WSCD1: variants seen among roughly 807,000 people sequenced by gnomAD.
The protein encoded by WSCD1 is WSC domain sialate O sulfotransferase 1.
WSCD1 carries 41 observed loss-of-function variants against 60.4 expected under a neutral mutation model. The observed-to-expected ratio is 0.68, with a 90% CI of 0.53 to 0.88. WSCD1 has a LOEUF of 0.88. Ranked by LOEUF, WSCD1 falls within the 40% of genes least tolerant of loss-of-function variation. The probability of loss-of-function intolerance (pLI) is 0.00; values close to 1 mark genes in which losing one functional copy is unlikely to be tolerated. For synonymous variants in WSCD1, 361 were observed against 332.5 expected, an observed-to-expected ratio of 1.09 and a Z score of -0.93; for missense variants, 784 against 796.2, an observed-to-expected ratio of 0.98 and a Z score of 0.18.
chr17:6,110,925 C>T lies in WSCD1; in HGVS notation c.1164C>T (p.Leu388=). The change falls in exon 7 of 9, where the codon CTC becomes CTT. Residue 388 remains leucine (L), a synonymous_variant. Coordinates refer to ENST00000317744, the MANE Select transcript of WSCD1 (RefSeq NM_015253.2). The surrounding 1 kb of genome is among the most constrained non-coding windows in gnomAD (Gnocchi z 4.8). ...GGAGCTACTACTTTGATGGAACCCT[C>T]TACAACAAAGGTAAGTCAAAGCTAC... ...YTGSYYFDGT[L]YNKGFKGEKD... is the part of the protein sequence containing the mutation. 1 of 1,601,108 alleles carries T rather than the reference C, an allele frequency of 6.2e-7. No homozygotes were observed. The highest frequency in any genetic ancestry group is 1.1e-5 in the South Asian group (1 of 90,212).
chr17:6,078,028 A>G (rs1314608295), intron 1 of WSCD1: 1 of 152,244 alleles, frequency 6.6e-6, no homozygotes, highest in Non-Finnish European at 1.5e-5. Context: ...GCCTGTGCCT[A>G]TGCACTGCTC....
intron 5 of WSCD1, among the ~76,000 whole-genome samples, chr17:6,099,777 A>G (rs1383845258): frequency 1.3e-5 from 2 of 152,200 alleles, no homozygotes; most frequent in Non-Finnish European, 1.5e-5. Flanking sequence ...CAGCATCCCA[A>G]TATAAGCAGC....
At position 6,080,662 on chromosome 17, in the gene WSCD1, G is replaced by GC; in HGVS notation, c.6dup (p.Lys3GlnfsTer121). ...AGGAGCCCTGCTGCCCAGGGGCATGGCCAAACCTTTCTTCCGACTCCAGAA... is the reference window on the plus strand; with the variant it reads ...AGGAGCCCTGCTGCCCAGGGGCATGGCCCAAACCTTTCTTCCGACTCCAGAA... On this transcript the variant is annotated frameshift_variant, in exon 2 of 9. Transcript: ENST00000317744. LOFTEE classifies it high-confidence loss of function. The surrounding 1 kb of genome is among the most constrained non-coding windows in gnomAD (Gnocchi z 6.6). 6.2e-7 allele frequency: 1 copy of GC among 1,613,520 alleles called. No individual in the cohort carries two copies. The highest frequency in any genetic ancestry group is 8.5e-7 in the Non-Finnish European group (1 of 1,179,886).
At position 6,123,726 on chromosome 17, in the gene WSCD1, T is replaced by G. The variant is rs1451307076; in HGVS notation, c.*3065T>G. 3 of 152,148 alleles carry G rather than the reference T, an allele frequency of 2.0e-5. No homozygotes were observed. The highest frequency in any genetic ancestry group is 4.4e-5 in the Non-Finnish European group (3 of 68,010). 9.4% of individuals were successfully genotyped at this position (152,148 alleles called of 1,614,324 possible). A position where few individuals can be genotyped will look rare whatever the true frequency, so the allele number is the denominator to read the frequency against. On this transcript the variant is annotated 3_prime_UTR_variant, in exon 9 of 9. Coordinates refer to ENST00000317744, the MANE Select transcript of WSCD1 (RefSeq NM_015253.2). ...GACTCCAAAGGGGTTCATTTCACTA[T>G]AGGGAGAAATTGATTCGTCTGACTT...
intron 2 of WSCD1, chr17:6,084,883 G>A (rs1909524871): frequency 6.6e-6 from 1 of 152,116 alleles, no homozygotes; most frequent in South Asian, 2.1e-4. Context: ...TAGAAAAGCT[G>A]TTCATTCTGC....
At position 6,123,103 on chromosome 17, in the gene WSCD1, C is replaced by T. The variant is rs1904813726; in HGVS notation, c.*2442C>T. On this transcript the variant is annotated 3_prime_UTR_variant, in exon 9 of 9. Transcript: ENST00000317744. The stretch of plus-strand genomic sequence containing the variant: ...TTTTCTCCAAGTTAGGTCTCATCTA[C>T]AGCTCTTAGCTTCTCAGTAAAGAGG... 6.6e-6 allele frequency: 1 copy of T among 152,192 alleles called. No individual in the cohort carries two copies. The highest frequency in any genetic ancestry group is 1.5e-5 in the Non-Finnish European group (1 of 68,060). 9.4% of individuals were successfully genotyped at this position (152,192 alleles called of 1,614,324 possible). A position where few individuals can be genotyped will look rare whatever the true frequency, so the allele number is the denominator to read the frequency against.
intron 2 of WSCD1, among the ~76,000 whole-genome samples, chr17:6,081,610 C>T (rs1030165566): frequency 2.6e-5 from 4 of 151,612 alleles, no homozygotes; most frequent in Admixed American, 6.6e-5. Flanking sequence ...GCTCGAGAGG[C>T]TGAGGTACCA....
upstream of WSCD1, among the ~76,000 whole-genome samples, chr17:6,069,736 T>C (rs550259938): frequency 6.6e-6 from 1 of 151,234 alleles, no homozygotes; most frequent in East Asian, 2.0e-4. Flanking sequence ...TGTGAAGCTG[T>C]GACCGTCTGT....
Position 6,120,801 on chromosome 17 carries a change from C to A in WSCD1, c.*140C>A. The A allele has an allele frequency of 1.2e-6, 1 of 841,500 alleles. No homozygotes were observed. Among genetic ancestry groups the A allele is most frequent in the Non-Finnish European group, 1.8e-6 (1 of 554,324 alleles). 52.1% of individuals were successfully genotyped at this position (841,500 alleles called of 1,614,324 possible). A position where few individuals can be genotyped will look rare whatever the true frequency, so the allele number is the denominator to read the frequency against. On this transcript the variant is annotated 3_prime_UTR_variant, in exon 9 of 9. Transcript: ENST00000317744. ...GCTCACCCTGGTGCTGCCTCCCGCA[C>A]AAGGAGACCTGGACACAACAGACAC...
intron 1 of WSCD1, among the ~76,000 whole-genome samples, chr17:6,078,873 C>T (rs1400328291): frequency 6.6e-6 from 1 of 152,126 alleles, no homozygotes; most frequent in Non-Finnish European, 1.5e-5. Flanking sequence ...TTGGGATTTT[C>T]TCTGTGGTTT....
At chr17:6,103,020 C>T (rs886987284) in intron 5 of WSCD1, among the ~76,000 whole-genome samples, 2 of 152,186 alleles carry the variant, frequency 1.3e-5, no homozygotes, top group South Asian at 2.1e-4. Flanking sequence ...CTTCTAGCCT[C>T]ATCCTTCTGA....
intron 7 of WSCD1, 108 bp from the exon 8 acceptor site, chr17:6,117,880 G>T: frequency 8.9e-7 from 1 of 1,127,634 alleles, no homozygotes; most frequent in Non-Finnish European, 1.3e-6. Context: ...TCTTCCATGG[G>T]CCCTCTCTTA....
chr17:6,113,500 A>T (rs1645231114), intron 7 of WSCD1, among the ~76,000 whole-genome samples: 1 of 152,190 alleles, frequency 6.6e-6, no homozygotes, highest in South Asian at 2.1e-4. Flanking sequence ...GACAAGTGGT[A>T]TTATGTCAAA....
At position 6,077,162 on chromosome 17, in the gene WSCD1, C is replaced by T. The variant is rs563397562; in HGVS notation, c.-288-3209C>T. 1.4e-4 allele frequency among the ~76,000 whole-genome samples: 21 copies of T among 148,594 alleles called. No individual in the cohort carries two copies. The South Asian group carries it at 4.3e-3, about 30-fold the overall frequency. On this transcript the variant is annotated intron_variant, in intron 1 of 8. Coordinates refer to ENST00000317744, the MANE Select transcript of WSCD1 (RefSeq NM_015253.2). ...GGAGTGCAGTGGTGTGATCTTGGCT[C>T]ACTGCAACCTCCGCCTCCCAGGTTT...
At chr17:6,095,065 A>C in intron 4 of WSCD1, 37 bp from the exon 5 acceptor site, 1 of 1,591,100 alleles carries the variant, frequency 6.3e-7, no homozygotes, top group Middle Eastern at 1.7e-4. Flanking sequence ...ACAACTGGAC[A>C]CCATCTCTTA....
At chr17:6,086,367 G>C (rs1405241217) in intron 2 of WSCD1, among the ~76,000 whole-genome samples, 1 of 149,974 alleles carries the variant, frequency 6.7e-6, no homozygotes, top group Admixed American at 6.7e-5. Context: ...ACAGAGTCTT[G>C]CTCTGTCACC....
intron 5 of WSCD1, among the ~76,000 whole-genome samples, chr17:6,103,882 G>A (rs1037171980): frequency 2.0e-5 from 3 of 152,178 alleles, no homozygotes; most frequent in Non-Finnish European, 4.4e-5. Context: ...CCATATGGAT[G>A]GAGGAACCAA....
intron 7 of WSCD1, 135 bp downstream of exon 7, chr17:6,111,070 G>T: frequency 2.4e-5 from 20 of 842,814 alleles, no homozygotes; most frequent in Admixed American, 5.2e-5. Flanking sequence ...TGTGGGTGGA[G>T]CCACTGTGTG....
At position 6,101,377 on chromosome 17, in the gene WSCD1, A is replaced by C. The variant is rs1010212190; in HGVS notation, c.849+6154A>C. On this transcript the variant is annotated intron_variant, in intron 5 of 8. Transcript: ENST00000317744. The surrounding 1 kb of genome is among the most constrained non-coding windows in gnomAD (Gnocchi z 4.1). Reference sequence around the variant, plus strand: ...CCTGGGGGTAGGAAGCTAGGGGCTTAATTAGAGCTGGCCGGGCAGTGGGGC... The same window carrying C: ...CCTGGGGGTAGGAAGCTAGGGGCTTCATTAGAGCTGGCCGGGCAGTGGGGC... Among the ~76,000 whole-genome samples the C allele has an allele frequency of 3.9e-5, 6 of 152,124 alleles. No individual in the cohort carries two copies. The highest frequency in any genetic ancestry group is 1.4e-4 in the African/African-American group (6 of 41,430).
Sources: gnomAD v4.1 joint callset for allele counts (sites outside exome capture counted in the v4.1 genomes callset) on GRCh38, gnomAD v4.1.1 for gene constraint, Gnocchi (gnomAD v3.1) non-coding constraint, MANE v1.5 for transcripts, NCBI Gene and HGNC (gene_info 2026-07-23, HGNC 2026-07-21) for gene names.